RFX7: variants seen among roughly 807,000 people sequenced by gnomAD.
The protein encoded by RFX7 is regulatory factor X7, also known as DNA-binding protein RFX7.
Under a neutral mutation model 111.8 loss-of-function variants are expected in RFX7, and 26 were observed. That is an observed-to-expected ratio of 0.23 (90% CI 0.17 to 0.32). RFX7 has a LOEUF of 0.32. Among genes scored for constraint, RFX7 ranks in the 10% least tolerant of loss-of-function variants. The pLI is 1.00. For missense variants in RFX7, 1,573 were observed against 1,772.9 expected (o/e 0.89, Z 2.02); for synonymous variants, 624 against 624.4 (o/e 1.00, Z 0.01).
intron 5 of RFX7, among the ~76,000 whole-genome samples, chr15:56,105,017 A>G (rs762270773): frequency 1.1e-4 from 16 of 152,208 alleles, no homozygotes; most frequent in Non-Finnish European, 2.2e-4. Context: ...GACAATGGAA[A>G]TGAGCTGCAT....
chr15:56,236,550 TA>T (rs1274886418), intron 2 of RFX7, among the ~76,000 whole-genome samples: 1 of 152,208 alleles, frequency 6.6e-6, no homozygotes, highest in African/African-American at 2.4e-5. Context: ...ATAACCATCT[TA>T]CTATCATGTT....
chr15:56,210,641 A>C (rs940679508), intron 2 of RFX7, among the ~76,000 whole-genome samples: 1 of 152,152 alleles, frequency 6.6e-6, no homozygotes. Flanking sequence ...TTAAATCATA[A>C]ACAAAGATTG....
In RFX7 at chr15:56,095,693, G is replaced by T. The variant is rs748737694; in HGVS notation, c.2035C>A (p.Gln679Lys). ...VPPVKKPIVE[Q>K]LSAATIEGQK... ...CCTTCTATGGTAGCTGCTGAAAGCT[G>T]TTCCACAATTGGTTTCTTTACAGGA... The change falls in exon 10 of 10, where the codon CAG becomes AAG. Residue 679 changes from glutamine to lysine, a missense_variant. By Grantham distance (53) the Gln-to-Lys change is moderately conservative. This residue lies in a region of RFX7 where 625 missense variants were observed against 632.2 expected (regional missense o/e 0.99). Transcript: ENST00000559447. 1.2e-6 allele frequency: 2 copies of T among 1,613,878 alleles called. No homozygotes were observed. The highest frequency in any genetic ancestry group is 1.7e-6 in the Non-Finnish European group (2 of 1,179,880).
intron 5 of RFX7, among the ~76,000 whole-genome samples, chr15:56,109,282 G>A (rs1158138326): frequency 6.6e-6 from 1 of 152,250 alleles, no homozygotes; most frequent in Non-Finnish European, 1.5e-5. Context: ...TCCTAACCGC[G>A]AGTGATCCGC....
At chr15:56,130,966 G>A (rs1408991056) in intron 5 of RFX7, among the ~76,000 whole-genome samples, 1 of 152,102 alleles carries the variant, frequency 6.6e-6, no homozygotes, top group Non-Finnish European at 1.5e-5. Context: ...AGATGGTTTT[G>A]TAGTTGAGTT....
At chr15:56,111,057 T>C (rs201603909) in intron 5 of RFX7, among the ~76,000 whole-genome samples, 33,114 of 70,740 alleles carry the variant, frequency 0.47, 8,551 homozygotes, top group East Asian at 0.69. Flanking sequence ...CCAGCCACCC[T>C]GTCCGGGAGG....
chr15:56,149,008 G>A (rs569983132), intron 3 of RFX7, among the ~76,000 whole-genome samples: 136 of 151,702 alleles, frequency 9.0e-4, no homozygotes, highest in African/African-American at 3.0e-3. Flanking sequence ...GTGTGAACCC[G>A]GAAGGCGGAG....
At chr15:56,181,788 C>A (rs2042976370) in intron 2 of RFX7, among the ~76,000 whole-genome samples, 1 of 150,404 alleles carries the variant, frequency 6.6e-6, no homozygotes, top group Non-Finnish European at 1.5e-5. Context: ...CTTGGTAAAC[C>A]TCTAAAAAAT....
At chr15:56,224,360 A>C (rs561852947) in intron 2 of RFX7, among the ~76,000 whole-genome samples, 2 of 152,250 alleles carry the variant, frequency 1.3e-5, no homozygotes, top group Admixed American at 6.5e-5. Flanking sequence ...CACATTAAAA[A>C]GAAGAAAATA....
At chr15:56,213,821 A>G (rs2043336023) in intron 2 of RFX7, among the ~76,000 whole-genome samples, 1 of 152,210 alleles carries the variant, frequency 6.6e-6, no homozygotes, top group African/African-American at 2.4e-5. Flanking sequence ...GTGCATTTGT[A>G]TCCCTCCCTA....
At chr15:56,136,094 T>C (rs1595954472) in intron 5 of RFX7, among the ~76,000 whole-genome samples, 1 of 152,130 alleles carries the variant, frequency 6.6e-6, no homozygotes, top group Non-Finnish European at 1.5e-5. Context: ...GACTTGGCGA[T>C]GCGGGCTCTT....
At chr15:56,239,952 A>G (rs574502120) in intron 2 of RFX7, among the ~76,000 whole-genome samples, 2 of 151,214 alleles carry the variant, frequency 1.3e-5, no homozygotes, top group East Asian at 3.9e-4. Context: ...ACACTGAGAG[A>G]TAAGAGGAAG....
chr15:56,225,315 T>C (rs184474117), intron 2 of RFX7, among the ~76,000 whole-genome samples: 8 of 152,212 alleles, frequency 5.3e-5, no homozygotes, highest in African/African-American at 1.9e-4. Context: ...CAAAACAATT[T>C]CTTATAAAAC....
At chr15:56,175,131 A>G (rs565824518) in intron 3 of RFX7, among the ~76,000 whole-genome samples, 1 of 152,322 alleles carries the variant, frequency 6.6e-6, no homozygotes, top group East Asian at 1.9e-4. Context: ...GCAGGTTACA[A>G]GATCACTATA....
At chr15:56,182,634 A>C (rs376245372) in intron 2 of RFX7, among the ~76,000 whole-genome samples, 2 of 152,156 alleles carry the variant, frequency 1.3e-5, no homozygotes, top group African/African-American at 4.8e-5. Context: ...TTAATTCAAC[A>C]TTGTTTTTGA....
intron 5 of RFX7, among the ~76,000 whole-genome samples, chr15:56,133,444 C>A (rs1414718236): frequency 4.6e-5 from 7 of 151,946 alleles, no homozygotes; most frequent in African/African-American, 1.7e-4. Context: ...ATAAAAGGGT[C>A]CATACACAAC....
At chr15:56,219,913 T>TGC (rs2043406143) in intron 2 of RFX7, among the ~76,000 whole-genome samples, 1 of 152,202 alleles carries the variant, frequency 6.6e-6, no homozygotes, top group Non-Finnish European at 1.5e-5. Context: ...ATATGGTAGT[T>TGC]CCGTTTACAG....
chr15:56,119,841 G>C (rs1305172767), intron 5 of RFX7, among the ~76,000 whole-genome samples: 3 of 151,698 alleles, frequency 2.0e-5, no homozygotes, highest in Non-Finnish European at 4.4e-5. Context: ...TTTGTTTCTG[G>C]GTTCTCTATT....
intron 2 of RFX7, among the ~76,000 whole-genome samples, chr15:56,194,056 CAGAA>C (rs2043124282): frequency 6.6e-6 from 1 of 152,076 alleles, no homozygotes; most frequent in South Asian, 2.1e-4. Context: ...AATAGTATCA[CAGAA>C]AGAACATTTA....
Sources: allele counts gnomAD v4.1 joint callset (sites outside exome capture counted in the v4.1 genomes callset), GRCh38; gene constraint gnomAD v4.1.1; regional missense constraint gnomAD v4.1.1; transcripts MANE v1.5; gene names NCBI Gene and HGNC (gene_info 2026-07-23, HGNC 2026-07-21).